MYOF: variants seen among roughly 807,000 people sequenced by gnomAD.
MYOF encodes fer-1-like 3, myoferlin.
In MYOF, 244 loss-of-function variants were observed where a neutral mutation model predicts 284.2. The observed-to-expected ratio is 0.86, with a 90% CI of 0.77 to 0.95. The LOEUF (loss-of-function observed/expected upper bound fraction) is 0.95. Ranked by LOEUF, MYOF falls within the 40% of genes least tolerant of loss-of-function variation. The pLI is 0.00. For missense variants in MYOF, 2,496 were observed against 2,560.6 expected, an observed-to-expected ratio of 0.97 and a Z score of 0.54; for synonymous variants, 904 against 919.7, an observed-to-expected ratio of 0.98 and a Z score of 0.31.
chr10:93,425,691 G>T, intron 5 of MYOF: 1 of 206,532 alleles, frequency 4.8e-6, no homozygotes, highest in Non-Finnish European at 9.7e-6. Context: ...GGCACCTTTG[G>T]GAGGTGAGGA....
At chr10:93,431,024 CTTTTTTTTT>C (rs113713765) in intron 4 of MYOF, among the ~76,000 whole-genome samples, 19 of 117,854 alleles carry the variant, frequency 1.6e-4, no homozygotes, top group Non-Finnish European at 2.7e-4. Flanking sequence ...TTTTTCTTTT[CTTTTTTTTT>C]TTTTTTTTGT....
intron 19 of MYOF, among the ~76,000 whole-genome samples, chr10:93,383,225 T>C (rs887154043): frequency 2.6e-5 from 4 of 151,256 alleles, no homozygotes; most frequent in Admixed American, 1.3e-4. Flanking sequence ...AGGACTGTTT[T>C]AAGAACTTCT....
At chr10:93,446,349 T>C (rs564032875) in intron 3 of MYOF, among the ~76,000 whole-genome samples, 1 of 152,362 alleles carries the variant, frequency 6.6e-6, no homozygotes, top group East Asian at 1.9e-4. Flanking sequence ...AAGTCACTGA[T>C]GGCCTTCAGT....
At chr10:93,350,086 C>T (rs1037341115) in intron 35 of MYOF, 117 bp from the exon 36 acceptor site, 11 of 1,055,330 alleles carry the variant, frequency 1.0e-5, no homozygotes, top group Middle Eastern at 2.8e-4. Context: ...TGAACATTAT[C>T]CTAGTAAGCT....
chr10:93,402,548 C>T (rs1847348115), intron 10 of MYOF, among the ~76,000 whole-genome samples: 1 of 151,006 alleles, frequency 6.6e-6, no homozygotes, highest in Non-Finnish European at 1.5e-5. Flanking sequence ...CCTCGTGTAA[C>T]TCAAACAAGA....
chr10:93,327,038 G>T (rs1843079394), intron 45 of MYOF, among the ~76,000 whole-genome samples: 1 of 152,056 alleles, frequency 6.6e-6, no homozygotes, highest in South Asian at 2.1e-4. Flanking sequence ...AAACACTGGA[G>T]TATGGAGAAA....
intron 40 of MYOF, 33 bp from the exon 41 acceptor site, chr10:93,336,079 T>G (rs761780437): frequency 1.2e-6 from 2 of 1,605,932 alleles, no homozygotes; most frequent in Non-Finnish European, 1.7e-6. Context: ...TAATTTCTCA[T>G]TAAAATGCAG....
At chr10:93,399,599 C>T (rs1017776091) in intron 12 of MYOF, 104 bp from the exon 13 acceptor site, 140 of 731,454 alleles carry the variant, frequency 1.9e-4, no homozygotes, top group East Asian at 7.4e-4. Context: ...ACAGGCTAGG[C>T]GCAGTGGCTC....
rs114751787 is a variant in MYOF, at chr10:93,345,186, T to G, written c.4250-1254A>C. Among the ~76,000 whole-genome samples, 497 of 152,306 alleles carry G rather than the reference T, an allele frequency of 3.3e-3. 6 individuals carry two copies. The highest frequency in any genetic ancestry group is 0.011 in the African/African-American group (477 of 41,566). On this transcript the variant is annotated intron_variant, in intron 37 of 53. Transcript: ENST00000359263. ...AAGGAGGAGAAACAACAAACCTTTT[T>G]CGGTACCCACCATGTGCTGGGCACT...
chr10:93,476,839 T>C (rs2057274962), intron 1 of MYOF, among the ~76,000 whole-genome samples: 1 of 152,054 alleles, frequency 6.6e-6, no homozygotes, highest in Non-Finnish European at 1.5e-5. Context: ...ATGACAGGAA[T>C]CTGGAAAAAA....
chr10:93,465,533 C>CTTTTTTTTTTTTTTTTTTTTT, intron 1 of MYOF, among the ~76,000 whole-genome samples: 1 of 53,222 alleles, frequency 1.9e-5, no homozygotes, highest in South Asian at 9.6e-4. Context: ...TCTTTTTTTT[C>CTTTTTTTTTTTTTTTTTTTTT]TTTTCTTTTT....
At chr10:93,403,913 C>A in intron 9 of MYOF, 110 bp downstream of exon 9, 3 of 1,166,814 alleles carry the variant, frequency 2.6e-6, no homozygotes, top group South Asian at 2.6e-5. Flanking sequence ...TCATGCTGAA[C>A]CCTTACACAT....
intron 3 of MYOF, among the ~76,000 whole-genome samples, chr10:93,448,494 T>G (rs547540102): frequency 6.6e-6 from 1 of 152,356 alleles, no homozygotes; most frequent in South Asian, 2.1e-4. Context: ...CTAACTTTCC[T>G]TAAGTATCGT....
chr10:93,411,820 G>C (rs1230497909), intron 5 of MYOF, among the ~76,000 whole-genome samples: 4 of 152,126 alleles, frequency 2.6e-5, no homozygotes, highest in Non-Finnish European at 5.9e-5. Flanking sequence ...GCCCTTTTCT[G>C]TATCTCCATA....
intron 32 of MYOF, 46 bp from the exon 33 acceptor site, chr10:93,351,892 A>C: frequency 6.7e-7 from 1 of 1,496,682 alleles, no homozygotes; most frequent in Non-Finnish European, 9.0e-7. Flanking sequence ...GCTAAAATCT[A>C]ACTCCCCAGA....
At chr10:93,472,449 G>A (rs1025284603) in intron 1 of MYOF, among the ~76,000 whole-genome samples, 22 of 152,066 alleles carry the variant, frequency 1.4e-4, no homozygotes, top group African/African-American at 5.1e-4. Context: ...GATCAGCCTG[G>A]CCAACATAGT....
intron 46 of MYOF, among the ~76,000 whole-genome samples, chr10:93,325,563 T>C (rs35585125): frequency 0.23 from 34,548 of 152,080 alleles, 5,138 homozygotes; most frequent in Non-Finnish European, 0.34. Flanking sequence ...GCAGATGAAA[T>C]AGACTCAGAG....
chr10:93,329,030 G>T (rs538968677), intron 44 of MYOF, 119 bp from the exon 45 acceptor site: 5 of 971,960 alleles, frequency 5.1e-6, no homozygotes, highest in African/African-American at 3.2e-5. Context: ...GAAAATCTGC[G>T]CTACACTCTG....
chr10:93,363,958 C>A lies in MYOF; in HGVS notation c.2868+3G>T, dbSNP rs1470696336. 9 of 1,613,614 alleles carry A rather than the reference C, an allele frequency of 5.6e-6. No homozygotes were observed. Among genetic ancestry groups the A allele is most frequent in the Non-Finnish European group, 8.5e-7 (1 of 1,179,774 alleles). The stretch of plus-strand genomic sequence containing the variant: ...GAGTTTCTCTCCGGAGCAGGCCACT[C>A]ACCGCATCCGTGTAGGTGTCCTCGG... On this transcript the variant is annotated splice_donor_region_variant and intron_variant, in intron 27 of 53. Transcript: ENST00000359263.
Sources: allele counts gnomAD v4.1 joint callset (sites outside exome capture counted in the v4.1 genomes callset), GRCh38; gene constraint gnomAD v4.1.1; transcripts MANE v1.5; gene names NCBI Gene and HGNC (gene_info 2026-07-23, HGNC 2026-07-21).